The following MTPN variants were observed in gnomAD, a reference collection of about 807,000 sequenced individuals.
The protein encoded by MTPN is granule cell differentiation protein.
A neutral mutation model predicts 13.5 loss-of-function variants in MTPN; 2 were observed. The ratio of observed to expected loss-of-function variants is 0.15; its 90% CI spans 0.06 to 0.47. MTPN has a LOEUF of 0.47. MTPN is among the 20% of genes least tolerant of loss of function. MTPN has a pLI of 0.97. For missense variants in MTPN, 79 were observed against 137.9 expected (o/e 0.57, Z 2.14); for synonymous variants, 46 against 51.7 (o/e 0.89, Z 0.48).
chr7:135,967,580 T>G (rs755028143), intron 1 of MTPN, among the ~76,000 whole-genome samples: 2 of 152,168 alleles, frequency 1.3e-5, no homozygotes, highest in Non-Finnish European at 2.9e-5. Flanking sequence ...TTTTTCCTTA[T>G]CTATAAAATA....
intron 1 of MTPN, among the ~76,000 whole-genome samples, chr7:135,974,165 A>C (rs1342044359): frequency 6.6e-6 from 1 of 152,210 alleles, no homozygotes; most frequent in Non-Finnish European, 1.5e-5. Flanking sequence ...AGGGATACTC[A>C]CACTTCGAAC....
At chr7:135,936,859 T>C (rs558999996) in intron 3 of MTPN, among the ~76,000 whole-genome samples, 6 of 152,316 alleles carry the variant, frequency 3.9e-5, no homozygotes, top group Non-Finnish European at 7.4e-5. Flanking sequence ...TTTAAGGCAT[T>C]GCAAGTAATT....
chr7:135,953,436 T>C (rs1195484915), intron 1 of MTPN, among the ~76,000 whole-genome samples: 1 of 152,164 alleles, frequency 6.6e-6, no homozygotes, highest in Non-Finnish European at 1.5e-5. Flanking sequence ...CATTAGATCT[T>C]GGGCAAGTTA....
chr7:135,966,323 A>T (rs1287860356), intron 1 of MTPN, among the ~76,000 whole-genome samples: 2 of 152,110 alleles, frequency 1.3e-5, no homozygotes, highest in Non-Finnish European at 2.9e-5. Flanking sequence ...CATTGGGCAA[A>T]AACAGCTGGC....
chr7:135,935,227 A>G (rs1019846124), intron 3 of MTPN, among the ~76,000 whole-genome samples: 1 of 150,722 alleles, frequency 6.6e-6, no homozygotes, highest in Non-Finnish European at 1.5e-5. Flanking sequence ...AAACATTTGG[A>G]TGCAATGATT....
At chr7:135,955,232 C>T (rs1209907800) in intron 1 of MTPN, among the ~76,000 whole-genome samples, 3 of 151,774 alleles carry the variant, frequency 2.0e-5, no homozygotes, top group Non-Finnish European at 4.4e-5. Context: ...CTTTGTATTT[C>T]CATCATAAGA....
chr7:135,927,642 ATAAC>A lies in MTPN; in HGVS notation c.*2280_*2283del. Reference sequence around the variant, plus strand: ...CAAGTGGTTCAGAAATACATTATAAATAACCTAGTTAAAAAAAGAAACTGTGAAC... The same window carrying A: ...CAAGTGGTTCAGAAATACATTATAAACTAGTTAAAAAAAGAAACTGTGAAC... On this transcript the variant is annotated 3_prime_UTR_variant, in exon 4 of 4. Coordinates refer to ENST00000393085, the MANE Select transcript of MTPN (RefSeq NM_145808.4). 1 of 638,284 alleles carries A rather than the reference ATAAC, an allele frequency of 1.6e-6. No homozygotes were observed. Among genetic ancestry groups the A allele is most frequent in the African/African-American group, 1.8e-5 (1 of 55,356 alleles). The allele number at this position is 638,284 out of a possible 1,614,324, so 39.5% of individuals were successfully genotyped here. A position where few individuals can be genotyped will look rare whatever the true frequency, so the allele number is the denominator to read the frequency against.
chr7:135,968,970 C>G (rs76415945), intron 1 of MTPN, among the ~76,000 whole-genome samples: 1,941 of 151,188 alleles, frequency 0.013, 35 homozygotes, highest in African/African-American at 0.044. Flanking sequence ...GATGATGGTT[C>G]AAATTATTAG....
Position 135,929,930 on chromosome 7 carries a change from T to C in MTPN, c.353A>G (p.Gln118Arg). The C allele has an allele frequency of 1.2e-6, 2 of 1,613,898 alleles. No individual in the cohort carries two copies. Among genetic ancestry groups the C allele is most frequent in the Non-Finnish European group, 1.7e-6 (2 of 1,179,850 alleles). ...TDNQAIKALL[Q>R] ...AGTTATCAGTCCATCCATCCATCAC[T>C]GGAGAAGAGCTTTGATTGCCTGGTT... The change falls in exon 4 of 4, where the codon CAG (glutamine) becomes CGG (arginine). Residue 118 changes from glutamine (Q) to arginine (R), a missense_variant. By Grantham distance (43) the Gln-to-Arg change is conservative (BLOSUM62 1). Coordinates refer to ENST00000393085, the MANE Select transcript of MTPN (RefSeq NM_145808.4).
intron 3 of MTPN, among the ~76,000 whole-genome samples, chr7:135,933,098 C>CAAAAAAA (rs56865854): frequency 3.3e-4 from 21 of 63,028 alleles, no homozygotes; most frequent in Non-Finnish European, 5.1e-4. Context: ...CACTCAGCCT[C>CAAAAAAA]AAAAAAAAAA....
At position 135,930,013 on chromosome 7, in the gene MTPN, C is replaced by T; in HGVS notation, c.271-1G>A. On this transcript the variant is annotated splice_acceptor_variant, in intron 3 of 3. Transcript: ENST00000393085. LOFTEE classifies it high-confidence loss of function. ...GGCCTTTCACAGTCTTATCAGCACC[C>T]TGGAAAAGAGAGGAAAGGGCTCATT... 1.2e-6 allele frequency: 2 copies of T among 1,610,222 alleles called. No homozygotes were observed. Among genetic ancestry groups the T allele is most frequent in the Non-Finnish European group, 1.7e-6 (2 of 1,178,716 alleles).
intron 3 of MTPN, among the ~76,000 whole-genome samples, chr7:135,949,381 G>A (rs901696324): frequency 3.3e-5 from 5 of 152,214 alleles, no homozygotes; most frequent in Middle Eastern, 3.4e-3. Context: ...AAATCTTTGC[G>A]AGCACACCCT....
rs543144986 is a variant in MTPN, at chr7:135,932,649, A to G, written c.271-2637T>C. 10 of 152,148 alleles carry G rather than the reference A, an allele frequency of 6.6e-5. 1 individual carries two copies. Among genetic ancestry groups the G allele is most frequent in the Admixed American group, 6.5e-4 (10 of 15,268 alleles). The allele number at this position is 152,148 out of a possible 1,614,324, so 9.4% of individuals were successfully genotyped here. ...TTGAGTAATTAGAAGTAGAGTGACT[A>G]TATTTATATCAGACAAAAGAAGCCT... On this transcript the variant is annotated intron_variant, in intron 3 of 3. Transcript: ENST00000393085.
chr7:135,959,814 C>T (rs1014009983), intron 1 of MTPN, among the ~76,000 whole-genome samples: 12 of 147,606 alleles, frequency 8.1e-5, no homozygotes, highest in Non-Finnish European at 1.5e-4. Flanking sequence ...GGAACATCTG[C>T]TTGTTTTTTT....
intron 3 of MTPN, among the ~76,000 whole-genome samples, chr7:135,947,093 T>G (rs1799298233): frequency 6.6e-6 from 1 of 152,202 alleles, no homozygotes; most frequent in African/African-American, 2.4e-5. Context: ...TTCTAGCTTA[T>G]TTTTTAAAAA....
chr7:135,931,746 C>CA (rs1475535585), intron 3 of MTPN, among the ~76,000 whole-genome samples: 2 of 152,170 alleles, frequency 1.3e-5, no homozygotes, highest in African/African-American at 2.4e-5. Context: ...TTTTAGCTCT[C>CA]AGAGTTTATT....
At chr7:135,956,026 C>T (rs1488846260) in intron 1 of MTPN, among the ~76,000 whole-genome samples, 2 of 152,126 alleles carry the variant, frequency 1.3e-5, no homozygotes, top group African/African-American at 4.8e-5. Flanking sequence ...CAATGTTGCA[C>T]TAGCGGTTCT....
rs984128876 is a variant in MTPN at position 135,926,815 on chromosome 7, A to C, written c.*3111T>G. ...TCTTGCAACACAAAACTTAAAACAC[A>C]GTATTATTTAGCATTCGGATGTACA... On this transcript the variant is annotated 3_prime_UTR_variant, in exon 4 of 4. Coordinates refer to ENST00000393085, the MANE Select transcript of MTPN (RefSeq NM_145808.4). The C allele has an allele frequency of 6.5e-6, 1 of 152,754 alleles. No individual in the cohort carries two copies. Among genetic ancestry groups the C allele is most frequent in the Non-Finnish European group, 1.5e-5 (1 of 68,098 alleles). 9.5% of individuals were successfully genotyped at this position (152,754 alleles called of 1,614,324 possible).
intron 1 of MTPN, among the ~76,000 whole-genome samples, chr7:135,964,144 T>C (rs905873186): frequency 1.3e-5 from 2 of 151,774 alleles, no homozygotes; most frequent in African/African-American, 4.8e-5. Context: ...GGCTCCACAG[T>C]TGGAGGGGAG....
Sources: allele counts gnomAD v4.1 joint callset (sites outside exome capture counted in the v4.1 genomes callset), GRCh38; gene constraint gnomAD v4.1.1; transcripts MANE v1.5; gene names NCBI Gene and HGNC (gene_info 2026-07-23, HGNC 2026-07-21).